Variants in CFAP43 observed in about 807,000 individuals in gnomAD.
The protein encoded by CFAP43 is cilia- and flagella-associated protein 43.
CFAP43 carries 155 observed loss-of-function variants against 218.9 expected under a neutral mutation model. The observed-to-expected ratio is 0.71, with a 90% confidence interval of 0.62 to 0.81. The LOEUF is 0.81. Among genes scored for constraint, CFAP43 ranks in the 30% least tolerant of loss-of-function variants. The pLI is 0.00. For missense variants in CFAP43, 1,778 were observed against 1,954.3 expected, an observed-to-expected ratio of 0.91 and a Z score of 1.70; for synonymous variants, 645 against 681.3, an observed-to-expected ratio of 0.95 and a Z score of 0.83.
At chr10:104,150,568 C>G (rs1468079034) in intron 28 of CFAP43, among the ~76,000 whole-genome samples, 12 of 152,136 alleles carry the variant, frequency 7.9e-5, no homozygotes, top group African/African-American at 2.9e-4. Flanking sequence ...TGTTGGGATC[C>G]TGGGGATATA....
intron 5 of CFAP43, 23 bp from the exon 6 acceptor site, chr10:104,207,847 T>C (rs772242200): frequency 6.3e-7 from 1 of 1,586,918 alleles, no homozygotes; most frequent in East Asian, 2.3e-5. Flanking sequence ...AATAAAACCT[T>C]GTGTTAAGAA....
intron 18 of CFAP43, among the ~76,000 whole-genome samples, chr10:104,179,484 A>C (rs2089748372): frequency 6.6e-6 from 1 of 152,204 alleles, no homozygotes. Flanking sequence ...CTGCAGCCAC[A>C]GCATCCCTTC....
intron 3 of CFAP43, among the ~76,000 whole-genome samples, chr10:104,217,764 T>C (rs2091056165): frequency 6.6e-6 from 1 of 152,220 alleles, no homozygotes; most frequent in African/African-American, 2.4e-5. Context: ...ATACAGATGC[T>C]GAGGCACTTA....
Position 104,130,275 on chromosome 10 carries a change from T to C in CFAP43, c.4862A>G (p.Lys1621Arg). 6.2e-7 allele frequency: 1 copy of C among 1,611,720 alleles called. No individual in the cohort carries two copies. The highest frequency in any genetic ancestry group is 1.1e-5 in the South Asian group (1 of 90,282). The change falls in exon 38 of 38, where the codon AAA becomes AGA. Residue 1621 changes from lysine (K) to arginine (R), a missense_variant. By Grantham distance (26) the Lys-to-Arg change is conservative (BLOSUM62 2). This residue lies in a region of CFAP43 where 211 missense variants were observed against 230.6 expected (regional missense o/e 0.91). Coordinates refer to ENST00000357060, the MANE Select transcript of CFAP43 (RefSeq NM_025145.7). Reference protein sequence around the residue: ...GSKLTCEKIVKERYENMMQQQ... With the variant: ...GSKLTCEKIVRERYENMMQQQ... ...TTGCATCATGTTTTCATACCGTTCT[T>C]TGACAATCTTTTCACAAGTCAGTTT...
At chr10:104,136,061 C>T (rs1192282111) in intron 34 of CFAP43, among the ~76,000 whole-genome samples, 1 of 151,660 alleles carries the variant, frequency 6.6e-6, no homozygotes, top group Non-Finnish European at 1.5e-5. Flanking sequence ...ACCAGCCTGG[C>T]CAACAAGGTG....
chr10:104,207,971 A>AT (rs566155524), intron 5 of CFAP43, 147 bp from the exon 6 acceptor site: 68 of 718,228 alleles, frequency 9.5e-5, no homozygotes, highest in South Asian at 1.7e-4. Flanking sequence ...CATCATAATA[A>AT]TTTTTTTTAA....
intron 8 of CFAP43, among the ~76,000 whole-genome samples, chr10:104,201,175 T>C (rs1235858975): frequency 1.3e-5 from 2 of 152,232 alleles, no homozygotes; most frequent in African/African-American, 4.8e-5. Flanking sequence ...AGTATTCATA[T>C]ATTCCTGGTA....
chr10:104,214,962 C>T (rs2090973720), intron 3 of CFAP43, among the ~76,000 whole-genome samples: 1 of 152,048 alleles, frequency 6.6e-6, no homozygotes, highest in Admixed American at 6.6e-5. Context: ...ATGGTGAAAC[C>T]TGTCTCTACT....
chr10:104,200,269 C>T (rs1418861953), intron 8 of CFAP43, among the ~76,000 whole-genome samples: 1 of 152,174 alleles, frequency 6.6e-6, no homozygotes, highest in Non-Finnish European at 1.5e-5. Context: ...AGCCTTCTCC[C>T]TGCACCCGGT....
chr10:104,150,160 C>T (rs1266059956), intron 28 of CFAP43, among the ~76,000 whole-genome samples: 4 of 152,266 alleles, frequency 2.6e-5, no homozygotes, highest in Non-Finnish European at 4.4e-5. Context: ...TGTATGGATA[C>T]ACCATATTTT....
rs1284482121 is a variant in CFAP43 at position 104,192,186 on chromosome 10, T to C, written c.1546+13A>G. The C allele has an allele frequency of 2.5e-6, 4 of 1,569,426 alleles. No homozygotes were observed. The South Asian group carries it at 4.6e-5, about 18-fold the overall frequency. On this transcript the variant is annotated intron_variant, in intron 12 of 37. Transcript: ENST00000357060. The stretch of plus-strand genomic sequence containing the variant: ...AATCAATATTTTAAATTAATCAGCA[T>C]TCTATGTTGTACCTGTGAATCCAAT...
chr10:104,164,904 A>G (rs1037268298), intron 23 of CFAP43, among the ~76,000 whole-genome samples: 1 of 152,188 alleles, frequency 6.6e-6, no homozygotes, highest in African/African-American at 2.4e-5. Flanking sequence ...GGTGATGGGT[A>G]GTTAGAGGCT....
intron 23 of CFAP43, 47 bp downstream of exon 23, chr10:104,166,441 A>G (rs2089156709): frequency 7.1e-7 from 1 of 1,417,820 alleles, no homozygotes; most frequent in African/African-American, 1.4e-5. Context: ...AAAGCCACCT[A>G]ATGGGGAGTC....
At chr10:104,148,508 G>A (rs9888004) in intron 28 of CFAP43, among the ~76,000 whole-genome samples, 3,277 of 152,272 alleles carry the variant, frequency 0.022, 125 homozygotes, top group African/African-American at 0.074. Context: ...CATGGGAGGT[G>A]TTTGGGTCAT....
chr10:104,226,056 G>T (rs1463517555), intron 2 of CFAP43, among the ~76,000 whole-genome samples: 1 of 152,178 alleles, frequency 6.6e-6, no homozygotes, highest in Non-Finnish European at 1.5e-5. Flanking sequence ...ACCTATAGTT[G>T]ACAAAAAGCA....
chr10:104,143,151 CAGTT>C (rs1158842031), intron 32 of CFAP43, among the ~76,000 whole-genome samples: 1 of 152,188 alleles, frequency 6.6e-6, no homozygotes, highest in Non-Finnish European at 1.5e-5. Context: ...CAGCACATCT[CAGTT>C]AGGACTGGCA....
At chr10:104,180,127 GCCACAGCTT>G (rs1489905107) in intron 17 of CFAP43, among the ~76,000 whole-genome samples, 195 bp from the exon 18 acceptor site, 2 of 152,152 alleles carry the variant, frequency 1.3e-5, no homozygotes, top group African/African-American at 2.4e-5. Context: ...CCTTATAGTA[GCCACAGCTT>G]CCACTGAGGA....
At chr10:104,217,254 C>T (rs1468341311) in intron 3 of CFAP43, among the ~76,000 whole-genome samples, 2 of 152,288 alleles carry the variant, frequency 1.3e-5, no homozygotes, top group African/African-American at 2.4e-5. Flanking sequence ...GGCTTATGGC[C>T]GAGCCAGTCA....
intron 10 of CFAP43, among the ~76,000 whole-genome samples, chr10:104,195,933 A>C (rs888395833): frequency 1.3e-5 from 2 of 152,192 alleles, no homozygotes; most frequent in South Asian, 2.1e-4. Flanking sequence ...TCCAGGGCTG[A>C]GTTTGTGCAT....
Sources: allele counts gnomAD v4.1 joint callset (sites outside exome capture counted in the v4.1 genomes callset), GRCh38; gene constraint gnomAD v4.1.1; regional missense constraint gnomAD v4.1.1; transcripts MANE v1.5; gene names NCBI Gene and HGNC (gene_info 2026-07-23, HGNC 2026-07-21).